XYLT1: variants seen among roughly 807,000 people sequenced by gnomAD.
XYLT1 encodes xylosyltransferase 1, also known as beta-D-xylosyltransferase 1.
In XYLT1, 36 loss-of-function variants were observed where a neutral mutation model predicts 91.3. The ratio of observed to expected loss-of-function variants is 0.39; its 90% CI spans 0.30 to 0.52. XYLT1 has a LOEUF of 0.52. Ranked by LOEUF, XYLT1 falls within the 20% of genes least tolerant of loss-of-function variation. The probability of loss-of-function intolerance (pLI) is 0.68; values close to 1 mark genes in which losing one functional copy is unlikely to be tolerated. For synonymous variants in XYLT1, 588 were observed against 532.0 expected (o/e 1.11, Z -1.45); for missense variants, 1,242 against 1,284.5 (o/e 0.97, Z 0.51).
At chr16:17,456,444 C>G (rs542743095) in intron 1 of XYLT1, among the ~76,000 whole-genome samples, 460 of 149,346 alleles carry the variant, frequency 3.1e-3, no homozygotes, top group Admixed American at 6.2e-3. Context: ...GTCAAGTGAT[C>G]CTCCCACCTC....
chr16:17,267,588 T>C (rs1353342119), intron 2 of XYLT1, among the ~76,000 whole-genome samples: 12 of 152,062 alleles, frequency 7.9e-5, no homozygotes, highest in Non-Finnish European at 1.3e-4. Context: ...TTTTGTATTT[T>C]TTAGTAGAGA....
chr16:17,158,257 A>C (rs2031460497), intron 6 of XYLT1, among the ~76,000 whole-genome samples: 1 of 152,026 alleles, frequency 6.6e-6, no homozygotes, highest in Non-Finnish European at 1.5e-5. Context: ...GGTGCCTCCC[A>C]CCCCTGCTGA....
intron 1 of XYLT1, among the ~76,000 whole-genome samples, chr16:17,451,228 G>A (rs1482833584): frequency 1.3e-5 from 2 of 152,204 alleles, no homozygotes; most frequent in African/African-American, 4.8e-5. Flanking sequence ...CCTCACCCCA[G>A]AAAACAGTTG....
In XYLT1 at chr16:17,259,485, GAAA is replaced by G; in HGVS notation, c.413_415del (p.Phe138del). 2 of 1,607,290 alleles carry G rather than the reference GAAA, an allele frequency of 1.2e-6. No homozygotes were observed. The highest frequency in any genetic ancestry group is 1.7e-6 in the Non-Finnish European group (2 of 1,177,410). The stretch of plus-strand genomic sequence containing the variant: ...TCGCACTTTCTCTTTCGGCCGATGA[GAAA>G]AGTAGCCATCCTGGAGAAGAGGGGA... On this transcript the variant is annotated inframe_deletion, in exon 3 of 12. Transcript: ENST00000261381.
chr16:17,271,887 A>G (rs1254125730), intron 2 of XYLT1, among the ~76,000 whole-genome samples: 1 of 152,206 alleles, frequency 6.6e-6, no homozygotes, highest in Non-Finnish European at 1.5e-5. Context: ...GCATCCAGCC[A>G]GAGCAGTCAG....
chr16:17,412,692 T>C (rs1336225021), intron 1 of XYLT1, among the ~76,000 whole-genome samples: 1 of 152,066 alleles, frequency 6.6e-6, no homozygotes. Context: ...ATACTAGGTC[T>C]CCCAGTGGAT....
At chr16:17,435,052 C>G (rs1016114692) in intron 1 of XYLT1, among the ~76,000 whole-genome samples, 2 of 152,178 alleles carry the variant, frequency 1.3e-5, no homozygotes, top group Non-Finnish European at 2.9e-5. Context: ...TCTTTCTTGG[C>G]AGGGCTGGAC....
chr16:17,318,467 T>A (rs948171124), intron 2 of XYLT1, among the ~76,000 whole-genome samples: 34 of 152,236 alleles, frequency 2.2e-4, no homozygotes, highest in African/African-American at 8.2e-4. Context: ...CACCAATGAA[T>A]CCTTCCTCCT....
intron 3 of XYLT1, among the ~76,000 whole-genome samples, chr16:17,243,226 AAGGTGAGAACTATTAAGACTATCATCATT>A (rs2033375103): frequency 6.6e-6 from 1 of 152,214 alleles, no homozygotes; most frequent in East Asian, 1.9e-4. Flanking sequence ...ACAGCCCTAC[AAGGTGAGAACTATTAAGACTATCATCATT>A]AGGGTGACCA....
At position 17,104,033 on chromosome 16, in the gene XYLT1, C is replaced by T. The variant is rs758841879; in HGVS notation, c.*4662G>A. On this transcript the variant is annotated 3_prime_UTR_variant, in exon 12 of 12. Transcript: ENST00000261381. ...CAGATTTGGACAACTTTGTTCCCCC[C>T]TCCCAGGTAAACTTCTCAGCAGACA... is the stretch of plus-strand genomic sequence containing the variant. 1 of 152,778 alleles carries T rather than the reference C, an allele frequency of 6.5e-6. No homozygotes were observed. The highest frequency in any genetic ancestry group is 2.4e-5 in the African/African-American group (1 of 41,438). The allele number at this position is 152,778 out of a possible 1,614,324, so 9.5% of individuals were successfully genotyped here.
intron 10 of XYLT1, among the ~76,000 whole-genome samples, chr16:17,122,638 C>G (rs1344892422): frequency 2.0e-5 from 3 of 152,166 alleles, no homozygotes; most frequent in Non-Finnish European, 2.9e-5. Context: ...CTTTTGGGTT[C>G]TTGGTCATTA....
chr16:17,447,763 G>A (rs1317470390), intron 1 of XYLT1, among the ~76,000 whole-genome samples: 1 of 113,586 alleles, frequency 8.8e-6, no homozygotes, highest in Non-Finnish European at 1.7e-5. Flanking sequence ...GACCTTCCAC[G>A]AAAGCCACTT....
chr16:17,426,038 G>T (rs559773990), intron 1 of XYLT1, among the ~76,000 whole-genome samples: 3 of 152,270 alleles, frequency 2.0e-5, no homozygotes, highest in African/African-American at 4.8e-5. Flanking sequence ...CATGTCTGGA[G>T]AATGAATAAA....
At chr16:17,285,454 G>T (rs1360251752) in intron 2 of XYLT1, among the ~76,000 whole-genome samples, 1 of 152,162 alleles carries the variant, frequency 6.6e-6, no homozygotes, top group Non-Finnish European at 1.5e-5. Flanking sequence ...AATGACTCTG[G>T]CATTTCCCAC....
At chr16:17,134,424 TCC>T in intron 9 of XYLT1, 47 bp downstream of exon 9, 1 of 1,602,710 alleles carries the variant, frequency 6.2e-7, no homozygotes, top group South Asian at 1.1e-5. Context: ...ACCCTGAGCC[TCC>T]CCTCCTGCTT....
At chr16:17,131,958 G>A (rs1007387078) in intron 9 of XYLT1, among the ~76,000 whole-genome samples, 1 of 152,122 alleles carries the variant, frequency 6.6e-6, no homozygotes, top group Non-Finnish European at 1.5e-5. Context: ...AATAAAAAAC[G>A]AGGTGGATAC....
chr16:17,119,839 C>G (rs566051798), intron 10 of XYLT1, among the ~76,000 whole-genome samples: 9 of 152,342 alleles, frequency 5.9e-5, no homozygotes, highest in African/African-American at 2.2e-4. Context: ...ATATTGCCTT[C>G]CATTCATGAA....
intron 1 of XYLT1, among the ~76,000 whole-genome samples, chr16:17,383,324 G>A (rs575695777): frequency 5.9e-5 from 9 of 151,868 alleles, no homozygotes; most frequent in African/African-American, 2.2e-4. Flanking sequence ...ACGTTTTATT[G>A]GAAACCTTTC....
At chr16:17,119,056 T>C (rs1295739798) in intron 10 of XYLT1, among the ~76,000 whole-genome samples, 2 of 152,216 alleles carry the variant, frequency 1.3e-5, no homozygotes, top group African/African-American at 4.8e-5. Context: ...TGATAAGCAC[T>C]ATCTCAGAGT....
Sources: allele counts gnomAD v4.1 joint callset (sites outside exome capture counted in the v4.1 genomes callset), GRCh38; gene constraint gnomAD v4.1.1; transcripts MANE v1.5; gene names NCBI Gene and HGNC (gene_info 2026-07-23, HGNC 2026-07-21).